Variants in PCDH9 observed in about 807,000 individuals in gnomAD.
PCDH9 encodes protocadherin-9.
PCDH9 carries 24 observed loss-of-function variants against 70.6 expected under a neutral mutation model. That is an observed-to-expected ratio of 0.34 (90% CI 0.25 to 0.48). The LOEUF (loss-of-function observed/expected upper bound fraction) is 0.48. Among genes scored for constraint, PCDH9 ranks in the 20% least tolerant of loss-of-function variants. PCDH9 has a pLI of 0.99. For missense variants in PCDH9, 1,281 were observed against 1,503.6 expected (o/e 0.85, Z 2.45); for synonymous variants, 562 against 558.5 (o/e 1.01, Z -0.09).
chr13:66,611,759 T>C (rs2077296151), intron 4 of PCDH9, among the ~76,000 whole-genome samples: 1 of 152,152 alleles, frequency 6.6e-6, no homozygotes, highest in Non-Finnish European at 1.5e-5. Context: ...AGCCAAAGAG[T>C]GTGCTTAGCT....
intron 3 of PCDH9, among the ~76,000 whole-genome samples, chr13:66,902,873 G>C (rs942530026): frequency 1.3e-5 from 2 of 151,366 alleles, no homozygotes; most frequent in Non-Finnish European, 3.0e-5. Context: ...TGGAATAATT[G>C]GCACTGGAAA....
intron 2 of PCDH9, among the ~76,000 whole-genome samples, chr13:67,136,069 T>A (rs962723611): frequency 2.0e-5 from 3 of 152,142 alleles, no homozygotes; most frequent in Admixed American, 2.0e-4. Flanking sequence ...AAACTGCATA[T>A]CTGACAGTGG....
At chr13:66,449,879 G>C (rs1958171289) in intron 4 of PCDH9, among the ~76,000 whole-genome samples, 1 of 151,924 alleles carries the variant, frequency 6.6e-6, no homozygotes, top group Non-Finnish European at 1.5e-5. Flanking sequence ...ATACTTATTA[G>C]ATTAATTGTA....
chr13:66,848,657 G>A (rs978638739), intron 3 of PCDH9, among the ~76,000 whole-genome samples: 7 of 152,018 alleles, frequency 4.6e-5, no homozygotes, highest in African/African-American at 7.3e-5. Flanking sequence ...GGCCGGGCGC[G>A]GTGGCTTACA....
chr13:67,226,436 T>G lies in PCDH9; in HGVS notation c.2005A>C (p.Asn669His). 6.2e-7 allele frequency: 1 copy of G among 1,613,906 alleles called. No homozygotes were observed. Among genetic ancestry groups the G allele is most frequent in the Non-Finnish European group, 8.5e-7 (1 of 1,179,784 alleles). The part of the protein sequence containing the change: ...AKVTINVMDV[N>H]DNSPVVISPP... ...GAAATGACAACTGGGCTGTTGTCATTGACATCCATGACGTTGATAGTTACT... is the reference window on the plus strand; with the variant it reads ...GAAATGACAACTGGGCTGTTGTCATGGACATCCATGACGTTGATAGTTACT... The change falls in exon 2 of 5, where the codon AAT becomes CAT. Residue 669 changes from asparagine (N) to histidine (H), a missense_variant. Physicochemically the swap from Asn to His is moderately conservative, Grantham distance 68 (BLOSUM62 1). Transcript: ENST00000377865. The surrounding 1 kb of genome is among the most constrained non-coding windows in gnomAD (Gnocchi z 5.0).
At chr13:67,060,757 A>T (rs1179933309) in intron 2 of PCDH9, among the ~76,000 whole-genome samples, 1 of 152,064 alleles carries the variant, frequency 6.6e-6, no homozygotes, top group East Asian at 1.9e-4. Flanking sequence ...AAATTAACAA[A>T]GACCTAGTTC....
At chr13:66,995,309 G>A (rs1281704612) in intron 2 of PCDH9, among the ~76,000 whole-genome samples, 1 of 152,132 alleles carries the variant, frequency 6.6e-6, no homozygotes, top group African/African-American at 2.4e-5. Flanking sequence ...AAAGGCAAAA[G>A]AGGTGGACAG....
chr13:66,674,437 C>T (rs1025537390), intron 3 of PCDH9, among the ~76,000 whole-genome samples: 1 of 151,946 alleles, frequency 6.6e-6, no homozygotes, highest in African/African-American at 2.4e-5. Context: ...AAAAAATTGA[C>T]TTTACATGAA....
At chr13:66,848,442 C>T (rs1385383304) in intron 3 of PCDH9, among the ~76,000 whole-genome samples, 2 of 152,246 alleles carry the variant, frequency 1.3e-5, no homozygotes, top group African/African-American at 2.4e-5. Flanking sequence ...CAAACATTTA[C>T]GCTTAAAAAG....
intron 4 of PCDH9, among the ~76,000 whole-genome samples, chr13:66,458,180 G>A (rs541959300): frequency 4.0e-5 from 6 of 151,794 alleles, no homozygotes; most frequent in East Asian, 1.9e-4. Context: ...TAATACCTGC[G>A]CTATTTTACT....
intron 2 of PCDH9, among the ~76,000 whole-genome samples, chr13:67,173,368 TGTAGGG>T (rs2088351050): frequency 6.6e-6 from 1 of 152,024 alleles, no homozygotes; most frequent in Admixed American, 6.6e-5. Flanking sequence ...AATCAGAAAA[TGTAGGG>T]GTGAATAACT....
chr13:66,518,566 G>T (rs1459490313), intron 4 of PCDH9, among the ~76,000 whole-genome samples: 1 of 151,988 alleles, frequency 6.6e-6, no homozygotes, highest in Admixed American at 6.6e-5. Flanking sequence ...GGCAAGGTAG[G>T]GCTGATAAGC....
chr13:66,704,182 A>G (rs2078683217), intron 3 of PCDH9, among the ~76,000 whole-genome samples: 1 of 152,206 alleles, frequency 6.6e-6, no homozygotes, highest in Admixed American at 6.5e-5. Flanking sequence ...TAGATACGTA[A>G]CCTTGATTAA....
At chr13:66,977,437 T>A (rs1193669676) in intron 2 of PCDH9, 1 of 152,142 alleles carries the variant, frequency 6.6e-6, no homozygotes, top group African/African-American at 2.4e-5. Flanking sequence ...AAAGTTTTGA[T>A]GCTGGTATCC....
At chr13:66,430,792 G>A (rs1321667769) in intron 4 of PCDH9, among the ~76,000 whole-genome samples, 1 of 152,046 alleles carries the variant, frequency 6.6e-6, no homozygotes, top group Non-Finnish European at 1.5e-5. Context: ...GATAAGAACT[G>A]CAATGGGGTC....
At chr13:66,846,826 T>C (rs1431457802) in intron 3 of PCDH9, among the ~76,000 whole-genome samples, 2 of 151,828 alleles carry the variant, frequency 1.3e-5, no homozygotes, top group African/African-American at 4.8e-5. Context: ...AAACTTGCTA[T>C]GAAAGAGAAC....
At chr13:66,862,364 A>C (rs560763244) in intron 3 of PCDH9, among the ~76,000 whole-genome samples, 39 of 152,306 alleles carry the variant, frequency 2.6e-4, no homozygotes, top group Admixed American at 9.2e-4. Context: ...GTAGGGTTGT[A>C]AAGCATGATA....
chr13:66,797,458 A>G (rs980812812), intron 3 of PCDH9, among the ~76,000 whole-genome samples: 1 of 152,316 alleles, frequency 6.6e-6, no homozygotes, highest in South Asian at 2.1e-4. Flanking sequence ...CGGTTATTAG[A>G]GAATAAATTC....
intron 4 of PCDH9, among the ~76,000 whole-genome samples, chr13:66,597,499 A>G (rs1012846595): frequency 6.6e-6 from 1 of 151,788 alleles, no homozygotes; most frequent in Admixed American, 6.6e-5. Context: ...CCCTTCAACA[A>G]ATGGTGCTGG....
Sources: gnomAD v4.1 joint callset for allele counts (sites outside exome capture counted in the v4.1 genomes callset) on GRCh38, gnomAD v4.1.1 for gene constraint, Gnocchi (gnomAD v3.1) non-coding constraint, MANE v1.5 for transcripts, NCBI Gene and HGNC (gene_info 2026-07-23, HGNC 2026-07-21) for gene names.